Variants in NKAIN3 observed in about 807,000 individuals in gnomAD.
NKAIN3 encodes sodium/potassium-transporting ATPase subunit beta-1-interacting protein 3.
In NKAIN3, 25 loss-of-function variants were observed where a neutral mutation model predicts 30.2. The ratio of observed to expected loss-of-function variants is 0.83; its 90% CI spans 0.60 to 1.16. NKAIN3 has a LOEUF of 1.16. Ranked by LOEUF, NKAIN3 falls within the 50% of genes most tolerant of loss-of-function variation. NKAIN3 has a pLI of 0.00. For missense variants in NKAIN3, 225 were observed against 254.1 expected (o/e 0.89, Z 0.78); for synonymous variants, 91 against 89.6 (o/e 1.02, Z -0.09).
At chr8:62,878,287 T>C (rs77306428) in intron 4 of NKAIN3, among the ~76,000 whole-genome samples, 29 of 152,270 alleles carry the variant, frequency 1.9e-4, no homozygotes, top group Non-Finnish European at 3.8e-4. Flanking sequence ...ATGAAGACCA[T>C]ACTCCACTGA....
chr8:62,933,391 C>A (rs7845898), intron 5 of NKAIN3, among the ~76,000 whole-genome samples: 3 of 151,634 alleles, frequency 2.0e-5, no homozygotes, highest in Non-Finnish European at 4.4e-5. Context: ...ATTTAAAGAG[C>A]AAAGTAAAAC....
At chr8:62,622,935 T>G (rs1811664419) in intron 3 of NKAIN3, among the ~76,000 whole-genome samples, 1 of 152,050 alleles carries the variant, frequency 6.6e-6, no homozygotes, top group Non-Finnish European at 1.5e-5. Context: ...TTTGAGTTAA[T>G]TAATTAAATT....
chr8:62,794,468 G>A (rs950310441), intron 4 of NKAIN3, among the ~76,000 whole-genome samples: 4 of 152,030 alleles, frequency 2.6e-5, no homozygotes, highest in Non-Finnish European at 5.9e-5. Context: ...ATTCTGAAGC[G>A]GCTCTCTGGA....
intron 3 of NKAIN3, among the ~76,000 whole-genome samples, chr8:62,668,368 G>A (rs1437304729): frequency 6.6e-6 from 1 of 152,016 alleles, no homozygotes; most frequent in African/African-American, 2.4e-5. Flanking sequence ...AAAACCTTTT[G>A]GTATTGTCTA....
At chr8:62,532,216 A>G (rs1387273545) in intron 1 of NKAIN3, among the ~76,000 whole-genome samples, 1 of 152,130 alleles carries the variant, frequency 6.6e-6, no homozygotes, top group Non-Finnish European at 1.5e-5. Flanking sequence ...ATGCCATCAC[A>G]CTGATAAGGA....
downstream of NKAIN3, among the ~76,000 whole-genome samples, chr8:62,987,277 A>AT (rs1310195370): frequency 6.6e-6 from 1 of 152,046 alleles, no homozygotes; most frequent in African/African-American, 2.4e-5. Context: ...TGTGCCTGTA[A>AT]TTCTACTTGA....
At chr8:62,541,254 G>C (rs990832565) in intron 1 of NKAIN3, among the ~76,000 whole-genome samples, 4 of 151,982 alleles carry the variant, frequency 2.6e-5, no homozygotes, top group African/African-American at 4.8e-5. Context: ...GAGGGGGGAG[G>C]ATGCAGTAAG....
intron 1 of NKAIN3, among the ~76,000 whole-genome samples, chr8:62,406,977 A>G (rs1804091058): frequency 6.6e-6 from 1 of 152,208 alleles, no homozygotes; most frequent in African/African-American, 2.4e-5. Flanking sequence ...ATTAGCCACA[A>G]TGCTGATACT....
intron 4 of NKAIN3, among the ~76,000 whole-genome samples, chr8:62,816,923 A>G (rs1329755851): frequency 6.6e-6 from 1 of 152,118 alleles, no homozygotes. Context: ...AGGACCTGCA[A>G]GAGTTGTGGG....
intron 1 of NKAIN3, among the ~76,000 whole-genome samples, chr8:62,541,700 TC>T (rs2129893415): frequency 6.6e-6 from 1 of 152,286 alleles, no homozygotes; most frequent in Admixed American, 6.5e-5. Context: ...CTTATTTTTT[TC>T]ATCTATTATC....
chr8:62,786,335 A>G (rs879791802), intron 4 of NKAIN3, among the ~76,000 whole-genome samples: 1 of 152,074 alleles, frequency 6.6e-6, no homozygotes, highest in Non-Finnish European at 1.5e-5. Flanking sequence ...CTGGGGTAAT[A>G]TTTTTATTAA....
At chr8:62,458,632 G>C (rs1408743903) in intron 1 of NKAIN3, among the ~76,000 whole-genome samples, 2 of 152,222 alleles carry the variant, frequency 1.3e-5, no homozygotes, top group Non-Finnish European at 2.9e-5. Context: ...AAATTCATTT[G>C]TCAAATGAAA....
chr8:62,918,510 A>G lies in NKAIN3; in HGVS notation c.529A>G (p.Thr177Ala), dbSNP rs1822175990. Residue 177 changes from threonine (T) to alanine (A), a missense_variant, in exon 5 of 7, where the codon ACA becomes GCA. Transcript: ENST00000623646. ...VISISMEEED[T>A]FDFIGGLDTH... ...CAGTATTTCCATGGAAGAAGAAGACACATGTAAGTACTGTTTTCTCTCTCC... is the reference window on the plus strand; with the variant it reads ...CAGTATTTCCATGGAAGAAGAAGACGCATGTAAGTACTGTTTTCTCTCTCC... 1 of 1,608,008 alleles carries G rather than the reference A, an allele frequency of 6.2e-7. No homozygotes were observed. The highest frequency in any genetic ancestry group is 8.5e-7 in the Non-Finnish European group (1 of 1,174,754).
chr8:62,814,238 CT>C (rs1388786035), intron 4 of NKAIN3, among the ~76,000 whole-genome samples: 4 of 151,578 alleles, frequency 2.6e-5, no homozygotes, highest in Non-Finnish European at 5.9e-5. Flanking sequence ...TTTTTAATGC[CT>C]TTCCCCACCT....
intron 1 of NKAIN3, among the ~76,000 whole-genome samples, chr8:62,290,381 G>C (rs867228821): frequency 2.6e-5 from 4 of 152,206 alleles, no homozygotes; most frequent in East Asian, 1.9e-4. Context: ...CTGTGGGTTT[G>C]TCATAAATAG....
intron 1 of NKAIN3, among the ~76,000 whole-genome samples, chr8:62,409,246 G>T (rs1804166703): frequency 6.6e-6 from 1 of 152,094 alleles, no homozygotes; most frequent in Middle Eastern, 3.2e-3. Context: ...ATGCAGTGGA[G>T]CAATCTCAGC....
intron 1 of NKAIN3, among the ~76,000 whole-genome samples, chr8:62,469,677 A>G (rs892210814): frequency 1.3e-5 from 2 of 152,188 alleles, no homozygotes; most frequent in Non-Finnish European, 2.9e-5. Flanking sequence ...CAAGGCAGGC[A>G]TGGTCCCTTC....
intron 5 of NKAIN3, among the ~76,000 whole-genome samples, chr8:62,919,330 C>T (rs1230576046): frequency 7.7e-5 from 11 of 141,960 alleles, no homozygotes; most frequent in African/African-American, 1.1e-4. Flanking sequence ...CTGCAAGCTC[C>T]GCCTCCCAGG....
chr8:62,304,972 A>G (rs931953296), intron 1 of NKAIN3, among the ~76,000 whole-genome samples: 1 of 150,616 alleles, frequency 6.6e-6, no homozygotes, highest in African/African-American at 2.5e-5. Context: ...TCTAGGCCTC[A>G]TTAGCTATGT....
Sources: allele counts gnomAD v4.1 joint callset (sites outside exome capture counted in the v4.1 genomes callset), GRCh38; gene constraint gnomAD v4.1.1; transcripts MANE v1.5; gene names NCBI Gene and HGNC (gene_info 2026-07-23, HGNC 2026-07-21).